Variants in CDK17 observed in about 807,000 individuals in gnomAD.
CDK17 encodes the protein cyclin dependent kinase 17, also known as cyclin-dependent kinase 17.
CDK17 carries 24 observed loss-of-function variants against 77.6 expected under a neutral mutation model. That is an observed-to-expected ratio of 0.31 (90% CI 0.22 to 0.44). The LOEUF (loss-of-function observed/expected upper bound fraction) is 0.44. Ranked by LOEUF, CDK17 falls within the 20% of genes least tolerant of loss-of-function variation. The pLI is 1.00. For synonymous variants in CDK17, 203 were observed against 210.4 expected, an observed-to-expected ratio of 0.96 and a Z score of 0.30; for missense variants, 429 against 622.5, an observed-to-expected ratio of 0.69 and a Z score of 3.31.
chr12:96,308,261 A>C (rs998334101), intron 5 of CDK17, among the ~76,000 whole-genome samples: 6 of 147,170 alleles, frequency 4.1e-5, no homozygotes, highest in Non-Finnish European at 7.5e-5. Context: ...AAGTTTTTTA[A>C]TTAGCTGGGT....
intron 2 of CDK17, among the ~76,000 whole-genome samples, chr12:96,331,157 A>T (rs1053759797): frequency 6.6e-6 from 1 of 152,116 alleles, no homozygotes; most frequent in African/African-American, 2.4e-5. Flanking sequence ...TGGCCAGGCT[A>T]GTCTAGAACT....
chr12:96,374,708 C>T (rs1244620425), intron 1 of CDK17, among the ~76,000 whole-genome samples: 1 of 152,186 alleles, frequency 6.6e-6, no homozygotes, highest in Non-Finnish European at 1.5e-5. Flanking sequence ...TAATTTACTT[C>T]TCCACAGAAG....
chr12:96,353,605 C>CGGGGGG (rs11369777), intron 1 of CDK17, among the ~76,000 whole-genome samples: 3 of 140,938 alleles, frequency 2.1e-5, no homozygotes, highest in Admixed American at 7.7e-5. Flanking sequence ...TAAAAGGTGG[C>CGGGGGG]GGGGGGGGGC....
chr12:96,324,746 G>A (rs776562546), intron 2 of CDK17, among the ~76,000 whole-genome samples: 11 of 151,148 alleles, frequency 7.3e-5, no homozygotes, highest in Admixed American at 2.6e-4. Flanking sequence ...CATCCTAAGC[G>A]ACAGAGCAAG....
intron 1 of CDK17, among the ~76,000 whole-genome samples, chr12:96,396,441 C>T (rs998137061): frequency 2.0e-5 from 3 of 152,206 alleles, no homozygotes; most frequent in Non-Finnish European, 4.4e-5. Flanking sequence ...TAGTGAACTA[C>T]ACTAGGTTCG....
At chr12:96,314,740 G>T (rs374905312) in intron 3 of CDK17, among the ~76,000 whole-genome samples, 2 of 152,158 alleles carry the variant, frequency 1.3e-5, no homozygotes, top group Non-Finnish European at 2.9e-5. Flanking sequence ...TTCTATACAC[G>T]TATTCATTTT....
chr12:96,342,199 A>T (rs1158740579), intron 1 of CDK17, among the ~76,000 whole-genome samples: 1 of 152,240 alleles, frequency 6.6e-6, no homozygotes, highest in Non-Finnish European at 1.5e-5. Context: ...CTATAAATAA[A>T]AACTACTGTA....
chr12:96,339,421 C>A (rs1953091858), intron 1 of CDK17, among the ~76,000 whole-genome samples: 1 of 151,770 alleles, frequency 6.6e-6, no homozygotes. Context: ...TTACATCTTG[C>A]AAGATGAAAT....
At chr12:96,385,263 A>G (rs1259996511) in intron 1 of CDK17, among the ~76,000 whole-genome samples, 2 of 152,052 alleles carry the variant, frequency 1.3e-5, no homozygotes, top group African/African-American at 4.8e-5. Context: ...GCAGTGGGCC[A>G]AGATTGCGCC....
chr12:96,384,295 T>C (rs960017276), intron 1 of CDK17, among the ~76,000 whole-genome samples: 5 of 152,156 alleles, frequency 3.3e-5, no homozygotes, highest in Admixed American at 6.5e-5. Context: ...AGCTTACACA[T>C]TGCTGGTAGG....
intron 1 of CDK17, among the ~76,000 whole-genome samples, chr12:96,388,008 G>A (rs1169127083): frequency 6.6e-6 from 1 of 151,564 alleles, no homozygotes; most frequent in Non-Finnish European, 1.5e-5. Context: ...GGCAGCTCAC[G>A]CCTGTAACCC....
At chr12:96,398,988 G>C (rs1366228370) in intron 1 of CDK17, 1 of 152,188 alleles carries the variant, frequency 6.6e-6, no homozygotes, top group Non-Finnish European at 1.5e-5. Context: ...AAAAGGAAAG[G>C]GTGGGAGGAA....
At position 96,289,319 on chromosome 12, in the gene CDK17, A is replaced by G. The variant is rs372999926; in HGVS notation, c.998-32T>C. 6.2e-6 allele frequency: 10 copies of G among 1,612,590 alleles called. No individual in the cohort carries two copies. The African/African-American group carries it at 1.1e-4, about 17-fold the overall frequency. ...AGGGAAAATAAAACAAAGGGTTAAGAAAAAGCTTTAATGGATCTCTCAGAC... is the reference window on the plus strand; with the variant it reads ...AGGGAAAATAAAACAAAGGGTTAAGGAAAAGCTTTAATGGATCTCTCAGAC... On this transcript the variant is annotated intron_variant, in intron 10 of 16. Transcript: ENST00000261211.
intron 5 of CDK17, chr12:96,303,591 T>C (rs1257981663): frequency 6.6e-6 from 1 of 152,192 alleles, no homozygotes; most frequent in Non-Finnish European, 1.5e-5. Flanking sequence ...GATATTTCAC[T>C]GTTCCAAGAA....
At chr12:96,282,392 A>G (rs570121822) in intron 15 of CDK17, 117 bp downstream of exon 15, 19 of 653,900 alleles carry the variant, frequency 2.9e-5, no homozygotes, top group Non-Finnish European at 5.2e-5. Flanking sequence ...TAATCTAACT[A>G]TAGAGAAGAC....
intron 1 of CDK17, among the ~76,000 whole-genome samples, chr12:96,351,539 C>A (rs910247690): frequency 6.6e-6 from 1 of 152,134 alleles, no homozygotes; most frequent in Non-Finnish European, 1.5e-5. Flanking sequence ...CTAAGTCAGA[C>A]ACAAAAGGAC....
intron 1 of CDK17, among the ~76,000 whole-genome samples, chr12:96,390,505 T>C (rs1250880113): frequency 6.7e-6 from 1 of 148,796 alleles, no homozygotes; most frequent in Non-Finnish European, 1.5e-5. Flanking sequence ...GCTCAGGAGT[T>C]CAAGACCAGC....
intron 1 of CDK17, among the ~76,000 whole-genome samples, chr12:96,339,719 C>T (rs1011715122): frequency 1.3e-5 from 2 of 151,898 alleles, no homozygotes; most frequent in African/African-American, 4.8e-5. Context: ...CACTTGAGGC[C>T]GGGAGTTCAA....
At chr12:96,389,539 A>G (rs552218659) in intron 1 of CDK17, among the ~76,000 whole-genome samples, 22 of 152,266 alleles carry the variant, frequency 1.4e-4, no homozygotes, top group Non-Finnish European at 2.9e-4. Flanking sequence ...ATCCATGCTC[A>G]CCAACTTATG....
Sources: allele counts gnomAD v4.1 joint callset (sites outside exome capture counted in the v4.1 genomes callset), GRCh38; gene constraint gnomAD v4.1.1; transcripts MANE v1.5; gene names NCBI Gene and HGNC (gene_info 2026-07-23, HGNC 2026-07-21).